CREBBP: variants seen among roughly 807,000 people sequenced by gnomAD.
The protein encoded by CREBBP is CREB binding lysine acetyltransferase.
A neutral mutation model predicts 265.0 loss-of-function variants in CREBBP; 19 were observed. That is an observed-to-expected ratio of 0.07 (90% CI 0.05 to 0.11). The LOEUF (loss-of-function observed/expected upper bound fraction) is 0.11, where lower values mean the gene tolerates loss of function less well. Among genes scored for constraint, CREBBP ranks in the 10% least tolerant of loss-of-function variants. The pLI, the probability that CREBBP is intolerant of heterozygous loss-of-function variation, is 1.00. For synonymous variants in CREBBP, 1,457 were observed against 1,223.7 expected, an observed-to-expected ratio of 1.19 and a Z score of -3.98; for missense variants, 2,525 against 3,219.0, an observed-to-expected ratio of 0.78 and a Z score of 5.22.
At chr16:3,852,170 T>TTG (rs2054864217) in intron 1 of CREBBP, among the ~76,000 whole-genome samples, 1 of 113,546 alleles carries the variant, frequency 8.8e-6, no homozygotes, top group East Asian at 2.4e-4. Context: ...TTTTTTTTTT[T>TTG]TTTTTTTTTT....
At chr16:3,849,486 T>A (rs111263218) in intron 2 of CREBBP, among the ~76,000 whole-genome samples, 6 of 128,384 alleles carry the variant, frequency 4.7e-5, no homozygotes, top group African/African-American at 8.5e-5. Flanking sequence ...TGTGTGTGTG[T>A]GTGATGTGCG....
rs139169188 is a variant in CREBBP, at chr16:3,728,707, C to A, written c.6340G>T (p.Gly2114Cys). The change falls in exon 31 of 31, where the codon GGC becomes TGC. Residue 2114 changes from glycine to cysteine, a missense_variant. Physicochemically the swap from Gly to Cys is radical, Grantham distance 159 (BLOSUM62 -3). Transcript: ENST00000262367. The surrounding 1 kb of genome is among the most constrained non-coding windows in gnomAD (Gnocchi z 8.7). ...TGGAGGCCAGGCTGGGGCTGCATGC[C>A]GGGCTGATTGGCCACGTACTTGGCT... ...RTAKYVANQPGMQPQPGLQSQ... is the reference protein window; with the variant it reads ...RTAKYVANQPCMQPQPGLQSQ... 2.5e-6 allele frequency: 4 copies of A among 1,613,892 alleles called. No homozygotes were observed. Among genetic ancestry groups the A allele is most frequent in the East Asian group, 4.5e-5 (2 of 44,856 alleles).
Position 3,778,061 on chromosome 16 carries a change from G to A in CREBBP, c.2063C>T (p.Pro688Leu), listed in dbSNP as rs375125948. ...ILGNQPALPA[P>L]GAQPPVIPQA... Reference sequence around the variant, plus strand: ...TGGAATCACAGGGGGCTGAGCCCCCGGGGCTGGTAAGGCTGGCTGGTTCCC... The same window carrying A: ...TGGAATCACAGGGGGCTGAGCCCCCAGGGCTGGTAAGGCTGGCTGGTTCCC... Residue 688 changes from proline to leucine, a missense_variant, in exon 10 of 31, where the codon CCG (proline) becomes CTG (leucine). Physicochemically the swap from Pro to Leu is moderately conservative, Grantham distance 98. This residue lies in a region of CREBBP where 548 missense variants were observed against 533.0 expected (regional missense o/e 1.03). Coordinates refer to ENST00000262367, the MANE Select transcript of CREBBP (RefSeq NM_004380.3). The A allele has an allele frequency of 1.4e-5, 22 of 1,614,100 alleles. No individual in the cohort carries two copies. Among genetic ancestry groups the A allele is most frequent in the Admixed American group, 1.7e-5 (1 of 60,010 alleles).
chr16:3,740,276 C>T (rs573141856), intron 24 of CREBBP, 123 bp downstream of exon 24: 45 of 1,165,980 alleles, frequency 3.9e-5, no homozygotes, highest in African/African-American at 9.1e-5. Flanking sequence ...GGCTACTGCA[C>T]GCATTCGCTG....
chr16:3,767,606 A>C, intron 16 of CREBBP, 114 bp downstream of exon 16: 1 of 1,413,320 alleles, frequency 7.1e-7, no homozygotes, highest in South Asian at 1.2e-5. Flanking sequence ...CAGGCAAGAA[A>C]GGTAAAAGGG....
intron 2 of CREBBP, among the ~76,000 whole-genome samples, chr16:3,826,383 T>C (rs1243547708): frequency 1.3e-5 from 2 of 152,088 alleles, no homozygotes; most frequent in African/African-American, 4.8e-5. Flanking sequence ...ATAAACCCCC[T>C]ATCCTTAAAC....
At chr16:3,749,541 T>G in intron 21 of CREBBP, 86 bp downstream of exon 21, 1 of 872,906 alleles carries the variant, frequency 1.1e-6, no homozygotes, top group Non-Finnish European at 1.9e-6. Context: ...TTTCCAATGT[T>G]TTTACCCACA....
In CREBBP at chr16:3,728,354, G is replaced by A. The variant is rs760793692; in HGVS notation, c.6693C>T (p.Phe2231=). The A allele has an allele frequency of 8.1e-6, 13 of 1,610,404 alleles. No homozygotes were observed. In the African/African-American group the frequency reaches 1.5e-4, roughly 18 times the overall value. The part of the protein sequence containing the change: ...MAGGMAGHGQ[F]QQPQGPGGYP... ...AGCCTCCGGGTCCTTGAGGCTGCTG[G>A]AACTGGCCGTGCCCCGCCATGCCCC... is the stretch of plus-strand genomic sequence containing the variant. The change falls in exon 31 of 31, where the codon TTC becomes TTT. Residue 2231 remains phenylalanine, a synonymous_variant. Transcript: ENST00000262367. This position sits in a 1 kb window ranked among gnomAD's most constrained non-coding sequence, Gnocchi z 8.7.
chr16:3,753,646 G>A (rs796190757), intron 19 of CREBBP, among the ~76,000 whole-genome samples: 11 of 152,064 alleles, frequency 7.2e-5, no homozygotes, highest in South Asian at 2.1e-4. Context: ...AAGAACTTCC[G>A]TGTGCAGGAG....
intron 2 of CREBBP, among the ~76,000 whole-genome samples, chr16:3,818,411 G>A (rs556489880): frequency 2.0e-5 from 3 of 149,906 alleles, no homozygotes; most frequent in South Asian, 2.1e-4. Flanking sequence ...TGGTTCAAGC[G>A]ATTCTCCCGT....
intron 4 of CREBBP, among the ~76,000 whole-genome samples, chr16:3,792,442 T>C (rs1293327983): frequency 2.0e-5 from 3 of 152,162 alleles, no homozygotes. Context: ...ATAAAAATGT[T>C]CAATTATGTT....
At chr16:3,855,111 T>C (rs2141519204) in intron 1 of CREBBP, among the ~76,000 whole-genome samples, 1 of 152,308 alleles carries the variant, frequency 6.6e-6, no homozygotes, top group Non-Finnish European at 1.5e-5. Context: ...CACACATCTG[T>C]CTCTTCAAAA....
intron 16 of CREBBP, among the ~76,000 whole-genome samples, chr16:3,764,925 T>C (rs573972406): frequency 8.1e-4 from 124 of 152,302 alleles, no homozygotes; most frequent in African/African-American, 2.8e-3. Context: ...ATTCCTTGTA[T>C]TAAATCTTAA....
intron 26 of CREBBP, among the ~76,000 whole-genome samples, chr16:3,737,502 C>G (rs2052094325): frequency 1.3e-5 from 2 of 151,298 alleles, no homozygotes; most frequent in Non-Finnish European, 2.9e-5. Flanking sequence ...TGTTGTTGCC[C>G]AGGGTGGAGT....
intron 11 of CREBBP, 21 bp downstream of exon 11, chr16:3,777,592 T>C: frequency 1.2e-6 from 2 of 1,613,534 alleles, no homozygotes; most frequent in Non-Finnish European, 1.7e-6. Flanking sequence ...AAAATATGAT[T>C]CACCACAAAC....
intron 12 of CREBBP, 93 bp from the exon 13 acceptor site, chr16:3,774,023 C>CTTGGATGGCA: frequency 7.1e-7 from 1 of 1,398,884 alleles, no homozygotes; most frequent in Non-Finnish European, 1.0e-6. Flanking sequence ...CTTCACAACC[C>CTTGGATGGCA]CAGAGGATGG....
At chr16:3,872,087 TTAAGGG>T (rs1420267717) in intron 1 of CREBBP, among the ~76,000 whole-genome samples, 2 of 152,232 alleles carry the variant, frequency 1.3e-5, no homozygotes, top group African/African-American at 4.8e-5. Flanking sequence ...CAAATCTTTC[TTAAGGG>T]TAAGTTTTAA....
In CREBBP at chr16:3,729,033, G is replaced by A. The variant is rs2151306708; in HGVS notation, c.6014C>T (p.Pro2005Leu). ...MAPVSLNVPR[P>L]NQVSGPVMPS... Reference sequence around the variant, plus strand: ...CATGACGGGCCCGCTCACCTGGTTGGGTCGGGGCACATTCAGGCTCACGGG... The same window carrying A: ...CATGACGGGCCCGCTCACCTGGTTGAGTCGGGGCACATTCAGGCTCACGGG... The change falls in exon 31 of 31, where the codon CCC becomes CTC. Residue 2005 changes from proline (P) to leucine (L), a missense_variant. Around this residue, in one of 19 missense-constraint regions of CREBBP, gnomAD observed 275 missense variants for 276.5 expected, o/e 0.99. Transcript: ENST00000262367. The A allele has an allele frequency of 1.3e-6, 2 of 1,589,854 alleles. No homozygotes were observed. The highest frequency in any genetic ancestry group is 1.7e-6 in the Non-Finnish European group (2 of 1,173,726).
At position 3,876,214 on chromosome 16, in the gene CREBBP, A is replaced by T. The variant is rs554612904; in HGVS notation, c.85+3618T>A. ...CTATTACACCCAACTAATTAAAAAA[A>T]TTTTTTGTTTAGATGGGGTCTCACT... On this transcript the variant is annotated intron_variant, in intron 1 of 30. Transcript: ENST00000262367. 3.6e-3 allele frequency among the ~76,000 whole-genome samples: 541 copies of T among 151,830 alleles called. 3 individuals carry two copies. Among genetic ancestry groups the T allele is most frequent in the Non-Finnish European group, 5.5e-3 (374 of 67,918 alleles).
Sources: gnomAD v4.1 joint callset for allele counts (sites outside exome capture counted in the v4.1 genomes callset) on GRCh38, gnomAD v4.1.1 for gene constraint, gnomAD v4.1.1 regional missense constraint, Gnocchi (gnomAD v3.1) non-coding constraint, MANE v1.5 for transcripts, NCBI Gene and HGNC (gene_info 2026-07-23, HGNC 2026-07-21) for gene names.